Variants in HAUS1 observed in about 807,000 individuals in gnomAD.
The protein encoded by HAUS1 is HAUS augmin-like complex subunit 1.
Under a neutral mutation model 38.6 loss-of-function variants are expected in HAUS1, and 25 were observed. That is an observed-to-expected ratio of 0.65 (90% CI 0.47 to 0.91). The LOEUF is 0.91. HAUS1 is among the 40% of genes least tolerant of loss of function. The pLI is 0.00. For synonymous variants in HAUS1, 109 were observed against 112.9 expected, an observed-to-expected ratio of 0.97 and a Z score of 0.22; for missense variants, 325 against 328.4, an observed-to-expected ratio of 0.99 and a Z score of 0.08.
chr18:46,110,156 T>C (rs1238399717), intron 2 of HAUS1, among the ~76,000 whole-genome samples: 2 of 142,354 alleles, frequency 1.4e-5, no homozygotes, highest in African/African-American at 5.2e-5. Flanking sequence ...TTTGTCCTTT[T>C]TTTTTTTTTT....
At chr18:46,122,684 T>A (rs375326024) in intron 5 of HAUS1, 94 bp downstream of exon 5, 2 of 1,399,826 alleles carry the variant, frequency 1.4e-6, no homozygotes, top group Non-Finnish European at 2.0e-6. Context: ...TTTTTACAGA[T>A]GAGAGGACTA....
chr18:46,105,316 C>G lies in HAUS1; in HGVS notation c.153C>G (p.Val51=). 6.8e-6 allele frequency: 11 copies of G among 1,613,430 alleles called. No individual in the cohort carries two copies. Among genetic ancestry groups the G allele is most frequent in the Non-Finnish European group, 8.5e-6 (10 of 1,179,622 alleles). The change falls in exon 2 of 9, where the codon GTC becomes GTG. Residue 51 remains valine (V), a synonymous_variant. Transcript: ENST00000282058. The part of the protein sequence containing the change: ...SERNRVRDRD[V]YLVIEDLKQK... Reference sequence around the variant, plus strand: ...GCAACAGGGTCCGGGACAGGGATGTCTACCTGGTAATAGAGGACTTGAAGC... The same window carrying G: ...GCAACAGGGTCCGGGACAGGGATGTGTACCTGGTAATAGAGGACTTGAAGC...
Position 46,124,853 on chromosome 18 carries a change from C to T in HAUS1, c.698C>T (p.Pro233Leu). The T allele has an allele frequency of 6.2e-7, 1 of 1,606,378 alleles. No homozygotes were observed. Among genetic ancestry groups the T allele is most frequent in the Non-Finnish European group, 8.5e-7 (1 of 1,174,182 alleles). Reference protein sequence around the residue: ...KLARLKQQTIPLKKKLESYLD... With the variant: ...KLARLKQQTILLKKKLESYLD... ...GCAAGATTAAAGCAACAGACTATAC[C>T]TTTGAAGAAAAAATTGGAGTCCTAT... Residue 233 changes from proline (P) to leucine (L), a missense_variant, in exon 7 of 9, where the codon CCT (proline) becomes CTT (leucine). Pro to Leu is a moderately conservative substitution (Grantham distance 98). Coordinates refer to ENST00000282058, the MANE Select transcript of HAUS1 (RefSeq NM_138443.4).
intron 3 of HAUS1, 49 bp downstream of exon 3, chr18:46,118,365 T>C (rs186206687): frequency 3.7e-5 from 58 of 1,566,962 alleles, no homozygotes; most frequent in Non-Finnish European, 4.5e-5. Flanking sequence ...TGCTATAAGG[T>C]CTTAAAGACT....
rs139425893 is a variant in HAUS1 at position 46,115,730 on chromosome 18, G to C, written c.206-2451G>C. ...GATTTGGCATTGGTTTCTTGGATAT[G>C]ATGCCAAAAGCACAAGCAAACAAAA... On this transcript the variant is annotated intron_variant, in intron 2 of 8. Coordinates refer to ENST00000282058, the MANE Select transcript of HAUS1 (RefSeq NM_138443.4). Among the ~76,000 whole-genome samples the C allele has an allele frequency of 1.5e-3, 236 of 152,288 alleles. 2 individuals carry two copies. The highest frequency in any genetic ancestry group is 5.2e-3 in the African/African-American group (218 of 41,570).
intron 3 of HAUS1, among the ~76,000 whole-genome samples, chr18:46,119,660 A>G (rs751845481): frequency 2.6e-5 from 4 of 152,196 alleles, no homozygotes. Flanking sequence ...AAGTATGTAC[A>G]AGGTATAGCT....
At chr18:46,126,319 T>C (rs1415861676) in intron 8 of HAUS1, among the ~76,000 whole-genome samples, 1 of 152,052 alleles carries the variant, frequency 6.6e-6, no homozygotes, top group Non-Finnish European at 1.5e-5. Context: ...CTTTTAAAAT[T>C]TTGTGTACAT....
chr18:46,116,938 C>A (rs1599813362), intron 2 of HAUS1, among the ~76,000 whole-genome samples: 1 of 151,584 alleles, frequency 6.6e-6, no homozygotes, highest in Non-Finnish European at 1.5e-5. Flanking sequence ...TGCCACTGTT[C>A]TCCATCCTGG....
At chr18:46,112,997 CATATATATGGA>C (rs376500264) in intron 2 of HAUS1, among the ~76,000 whole-genome samples, 1 of 43,866 alleles carries the variant, frequency 2.3e-5, no homozygotes, top group African/African-American at 8.4e-5. Context: ...ATATATATTC[CATATATATGGA>C]ATATATATAT....
chr18:46,124,423 A>G (rs1912039707), intron 6 of HAUS1, among the ~76,000 whole-genome samples: 1 of 149,232 alleles, frequency 6.7e-6, no homozygotes, highest in Non-Finnish European at 1.5e-5. Context: ...TCTCAAAAAA[A>G]AAAAAAAAAA....
At chr18:46,125,009 C>T in intron 7 of HAUS1, 116 bp downstream of exon 7, 1 of 588,760 alleles carries the variant, frequency 1.7e-6, no homozygotes, top group Non-Finnish European at 3.0e-6. Flanking sequence ...CCTGTAATCC[C>T]AGCACTTTGG....
At position 46,118,411 on chromosome 18, in the gene HAUS1, C is replaced by G. The variant is rs1304028544; in HGVS notation, c.341+95C>G. ...AGCATAATTCTATATGAAAAATTGG[C>G]AATAAATACAAAGCACTGAATTTAG... On this transcript the variant is annotated intron_variant, in intron 3 of 8. Transcript: ENST00000282058. The G allele has an allele frequency of 2.5e-6, 3 of 1,186,152 alleles. No homozygotes were observed. The African/African-American group carries it at 4.6e-5, about 18-fold the overall frequency. The allele number at this position is 1,186,152 out of a possible 1,614,324, so 73.5% of individuals were successfully genotyped here.
At chr18:46,106,811 T>A (rs1911494180) in intron 2 of HAUS1, 2 of 152,150 alleles carry the variant, frequency 1.3e-5, no homozygotes, top group East Asian at 1.9e-4. Flanking sequence ...GACCAGGAGT[T>A]TGAGACAAGC....
chr18:46,121,283 G>A (rs554771215), intron 4 of HAUS1, among the ~76,000 whole-genome samples: 86 of 151,954 alleles, frequency 5.7e-4, no homozygotes, highest in Non-Finnish European at 8.4e-4. Flanking sequence ...TCCGCTTCCC[G>A]GGTTCAAGTG....
chr18:46,120,128 G>C, intron 4 of HAUS1, 68 bp downstream of exon 4: 1 of 1,116,828 alleles, frequency 9.0e-7, no homozygotes, highest in Non-Finnish European at 1.3e-6. Context: ...GTCAAATTTA[G>C]TTTTGGCAGT....
At chr18:46,111,069 G>A (rs549133912) in intron 2 of HAUS1, among the ~76,000 whole-genome samples, 5 of 151,594 alleles carry the variant, frequency 3.3e-5, no homozygotes, top group Admixed American at 1.3e-4. Context: ...GTAGAAACAG[G>A]GTTTCTCCGT....
chr18:46,122,682 G>A, intron 5 of HAUS1, 92 bp downstream of exon 5: 1 of 1,415,638 alleles, frequency 7.1e-7, no homozygotes. Context: ...CCTTTTTACA[G>A]ATGAGAGGAC....
intron 5 of HAUS1, 88 bp from the exon 6 acceptor site, chr18:46,123,210 CA>C (rs368410779): frequency 0.012 from 8,534 of 735,432 alleles, 3 homozygotes; most frequent in South Asian, 0.014. Flanking sequence ...GACTCGGTCT[CA>C]AAAAAAAAAG....
chr18:46,126,841 AT>A (rs1912122580), intron 8 of HAUS1: 1 of 141,180 alleles, frequency 7.1e-6, no homozygotes, highest in Non-Finnish European at 1.5e-5. Flanking sequence ...TTATTTATTT[AT>A]TTATTATTTT....
Sources: gnomAD v4.1 joint callset for allele counts (sites outside exome capture counted in the v4.1 genomes callset) on GRCh38, gnomAD v4.1.1 for gene constraint, MANE v1.5 for transcripts, NCBI Gene and HGNC (gene_info 2026-07-23, HGNC 2026-07-21) for gene names.